Variants in CORO2B observed in about 807,000 individuals in gnomAD.
CORO2B encodes coronin 2B.
Under a neutral mutation model 58.8 loss-of-function variants are expected in CORO2B, and 26 were observed. The observed-to-expected ratio is 0.44, with a 90% CI of 0.32 to 0.61. The LOEUF (loss-of-function observed/expected upper bound fraction) is 0.61, where lower values mean the gene tolerates loss of function less well. Among genes scored for constraint, CORO2B ranks in the 20% least tolerant of loss-of-function variants. The pLI is 0.04. For synonymous variants in CORO2B, 242 were observed against 253.8 expected (o/e 0.95, Z 0.44); for missense variants, 460 against 645.1 (o/e 0.71, Z 3.11).
chr15:68,526,840 C>A, the CORO2B span, among the ~76,000 whole-genome samples: 1 of 152,164 alleles, frequency 6.6e-6, no homozygotes, highest in Non-Finnish European at 1.5e-5. Context: ...CTGTTTTCGA[C>A]AGAATCATGG....
At chr15:68,581,165 G>A (rs1209211570) in intron 1 of CORO2B, among the ~76,000 whole-genome samples, 1 of 152,192 alleles carries the variant, frequency 6.6e-6, no homozygotes, top group Non-Finnish European at 1.5e-5. Context: ...AAGCCCACTG[G>A]CAGGCCTAGC....
At chr15:68,628,410 G>A (rs1008656844) in intron 1 of CORO2B, among the ~76,000 whole-genome samples, 2 of 152,224 alleles carry the variant, frequency 1.3e-5, no homozygotes, top group Non-Finnish European at 2.9e-5. Context: ...ACTGGGTTGC[G>A]ATGAAGACTA....
the CORO2B span, among the ~76,000 whole-genome samples, chr15:68,538,935 G>T: frequency 6.6e-6 from 1 of 152,214 alleles, no homozygotes; most frequent in African/African-American, 2.4e-5. Flanking sequence ...AAGTCCTGAG[G>T]TGTTGATGGT....
rs1308764980 is a variant in CORO2B, at chr15:68,606,186, C to CA, written c.15+26915dup. On this transcript the variant is annotated intron_variant, in intron 1 of 11. Transcript: ENST00000261861. ...GAATCCAAAAGGAGGGTCCAATGGT[C>CA]AAAAAAGAGGCCTAGACCAGGAGTG... Among the ~76,000 whole-genome samples the CA allele has an allele frequency of 2.6e-5, 4 of 152,036 alleles. No homozygotes were observed. In the East Asian group the frequency reaches 5.8e-4, roughly 22 times the overall value.
intron 3 of CORO2B, among the ~76,000 whole-genome samples, chr15:68,705,856 C>A (rs1892772163): frequency 6.6e-6 from 1 of 152,112 alleles, no homozygotes; most frequent in Admixed American, 6.5e-5. Context: ...GGTACAGTCT[C>A]TATTTTCTGG....
intron 2 of CORO2B, among the ~76,000 whole-genome samples, chr15:68,654,446 C>T (rs1901739556): frequency 6.6e-6 from 1 of 152,200 alleles, no homozygotes; most frequent in East Asian, 1.9e-4. Flanking sequence ...CACTAGGACT[C>T]TGTGAAGTCA....
chr15:68,677,096 T>G (rs1902612617), intron 2 of CORO2B, among the ~76,000 whole-genome samples: 1 of 152,130 alleles, frequency 6.6e-6, no homozygotes, highest in Admixed American at 6.5e-5. Flanking sequence ...TTGCAGCACT[T>G]TCGGGACTGT....
chr15:68,566,336 C>T, the CORO2B span, among the ~76,000 whole-genome samples: 1 of 152,084 alleles, frequency 6.6e-6, no homozygotes. Context: ...CAACCAAATC[C>T]ACACAGCTAG....
chr15:68,538,354 C>T, the CORO2B span, among the ~76,000 whole-genome samples: 810 of 152,312 alleles, frequency 5.3e-3, 1 homozygote, highest in Middle Eastern at 0.024. Flanking sequence ...TGGCTTCATT[C>T]GGTAAAAATA....
chr15:68,724,785 G>A (rs1378910861), intron 11 of CORO2B, among the ~76,000 whole-genome samples: 1 of 152,174 alleles, frequency 6.6e-6, no homozygotes, highest in Non-Finnish European at 1.5e-5. Flanking sequence ...AATTGACTGT[G>A]GGTAACATTC....
chr15:68,696,208 C>T (rs186598917), intron 3 of CORO2B, among the ~76,000 whole-genome samples: 2 of 151,260 alleles, frequency 1.3e-5, no homozygotes, highest in Admixed American at 6.6e-5. Context: ...TGTGATTGTG[C>T]CACTGCACTC....
chr15:68,573,541 A>T, the CORO2B span, among the ~76,000 whole-genome samples: 1 of 152,070 alleles, frequency 6.6e-6, no homozygotes, highest in African/African-American at 2.4e-5. Context: ...TCCCTGAGGA[A>T]GTGTGGGGAG....
At chr15:68,538,870 A>G in the CORO2B span, among the ~76,000 whole-genome samples, 1 of 152,172 alleles carries the variant, frequency 6.6e-6, no homozygotes, top group South Asian at 2.1e-4. Flanking sequence ...ACTTTATTTG[A>G]TCAGGGAAGG....
the CORO2B span, among the ~76,000 whole-genome samples, chr15:68,524,543 T>C: frequency 6.6e-6 from 1 of 152,230 alleles, no homozygotes; most frequent in Admixed American, 6.5e-5. Context: ...ATGCTAAGCA[T>C]TCCCTTCTTT....
intron 1 of CORO2B, among the ~76,000 whole-genome samples, chr15:68,634,278 A>G (rs1439073739): frequency 1.3e-5 from 2 of 152,242 alleles, no homozygotes; most frequent in African/African-American, 4.8e-5. Context: ...AATGCAGAAG[A>G]AAGCCCTCGA....
rs143688507 is a variant in CORO2B at position 68,715,983 on chromosome 15, G to A, written c.967+672G>A. On this transcript the variant is annotated intron_variant, in intron 8 of 11. Transcript: ENST00000261861. ...GGGACCTCCCGTTCCCACCTCTGCG[G>A]GTGATCCTCTTTGGAGCTTGAGTCT... is the stretch of plus-strand genomic sequence containing the variant. Among the ~76,000 whole-genome samples, 271 of 152,336 alleles carry A rather than the reference G, an allele frequency of 1.8e-3. 2 individuals are homozygous for A. The highest frequency in any genetic ancestry group is 6.4e-3 in the African/African-American group (264 of 41,572).
Position 68,616,157 on chromosome 15 carries a change from A to T in CORO2B, c.16-29003A>T, listed in dbSNP as rs550090665. On this transcript the variant is annotated intron_variant, in intron 1 of 11. Transcript: ENST00000261861. ...ACTCTACGGCCTGTGCTTTTGTAGT[A>T]AACAGTATAATGATGGGCATAATTG... 9.2e-5 allele frequency among the ~76,000 whole-genome samples: 14 copies of T among 152,290 alleles called. No homozygotes were observed. The South Asian group carries it at 2.9e-3, about 32-fold the overall frequency.
rs1047788036 is a variant in CORO2B at position 68,718,849 on chromosome 15, C to T, written c.1080+39C>T. On this transcript the variant is annotated intron_variant, in intron 9 of 11. Transcript: ENST00000261861. ...GGCTGGGCTCCAGGAGGGGGGCCTG[C>T]ATCGCCTCTTAGCCTGCTCACCACT... The T allele has an allele frequency of 3.9e-6, 6 of 1,522,422 alleles. No homozygotes were observed. The South Asian group carries it at 6.8e-5, about 17-fold the overall frequency. 94.3% of individuals were successfully genotyped at this position (1,522,422 alleles called of 1,614,324 possible). A position where few individuals can be genotyped will look rare whatever the true frequency, so the allele number is the denominator to read the frequency against.
intron 2 of CORO2B, among the ~76,000 whole-genome samples, chr15:68,692,524 G>A (rs1892403895): frequency 6.6e-6 from 1 of 151,594 alleles, no homozygotes; most frequent in African/African-American, 2.4e-5. Flanking sequence ...GGCGGAGGTT[G>A]CAGTGAGCCA....
Sources: allele counts gnomAD v4.1 joint callset (sites outside exome capture counted in the v4.1 genomes callset), GRCh38; gene constraint gnomAD v4.1.1; transcripts MANE v1.5; gene names NCBI Gene and HGNC (gene_info 2026-07-23, HGNC 2026-07-21).